The following SEPTIN7 variants were observed in gnomAD, a reference collection of about 807,000 sequenced individuals.
The protein encoded by SEPTIN7 is septin-7.
In SEPTIN7, 10 loss-of-function variants were observed where a neutral mutation model predicts 63.3. The ratio of observed to expected loss-of-function variants is 0.16; its 90% CI spans 0.10 to 0.27. SEPTIN7 has a LOEUF of 0.27. Among genes scored for constraint, SEPTIN7 ranks in the 10% least tolerant of loss-of-function variants. The probability of loss-of-function intolerance (pLI) is 1.00; values close to 1 mark genes in which losing one functional copy is unlikely to be tolerated. For missense variants in SEPTIN7, 310 were observed against 521.0 expected (o/e 0.59, Z 3.94); for synonymous variants, 131 against 165.3 (o/e 0.79, Z 1.59).
At chr7:35,856,851 C>T (rs1400535031) in intron 3 of SEPTIN7, among the ~76,000 whole-genome samples, 1 of 152,144 alleles carries the variant, frequency 6.6e-6, no homozygotes, top group African/African-American at 2.4e-5. Flanking sequence ...ATAGAAATCA[C>T]TTTAGTTCAG....
rs575920099 is a variant in SEPTIN7, at chr7:35,858,633, C to T, written c.170-4919C>T. ...CTTCCCAAAGTGCTGGGATTACAGG[C>T]ATGAGCCACCGCACCTGGCCGATTT... On this transcript the variant is annotated intron_variant, in intron 3 of 13. Transcript: ENST00000350320. Among the ~76,000 whole-genome samples, 11 of 152,084 alleles carry T rather than the reference C, an allele frequency of 7.2e-5. No homozygotes were observed. In the South Asian group the frequency reaches 2.1e-3, roughly 29 times the overall value.
At chr7:35,866,776 A>T (rs188823501) in intron 4 of SEPTIN7, among the ~76,000 whole-genome samples, 2 of 152,218 alleles carry the variant, frequency 1.3e-5, no homozygotes, top group Admixed American at 6.5e-5. Context: ...GGACCTCAGG[A>T]CCCTGAGTTA....
chr7:35,863,245 T>TA (rs1785610892), intron 3 of SEPTIN7, among the ~76,000 whole-genome samples: 1 of 151,900 alleles, frequency 6.6e-6, no homozygotes, highest in South Asian at 2.1e-4. Flanking sequence ...TTGGATTTTT[T>TA]AATAATGACA....
At chr7:35,863,463 T>A (rs1785624224) in intron 3 of SEPTIN7, 89 bp from the exon 4 acceptor site, 1 of 703,248 alleles carries the variant, frequency 1.4e-6, no homozygotes, top group African/African-American at 1.8e-5. Flanking sequence ...AGTACTTGCA[T>A]AAGGCAAGTT....
At position 35,898,361 on chromosome 7, in the gene SEPTIN7, A is replaced by G; in HGVS notation, c.1112A>G (p.Lys371Arg). The change falls in exon 12 of 14, where the codon AAA (lysine) becomes AGA (arginine). Residue 371 changes from lysine to arginine, a missense_variant. Transcript: ENST00000350320. ...ATGAAGGTCAAAGAAAAAGTTCAAA[A>G]ACTGAAGGACTCTGAAGCTGAGGTA... ...FEMKVKEKVQ[K>R]LKDSEAELQR... The G allele has an allele frequency of 1.3e-6, 2 of 1,548,772 alleles. No individual in the cohort carries two copies. Among genetic ancestry groups the G allele is most frequent in the Non-Finnish European group, 1.7e-6 (2 of 1,144,890 alleles).
At chr7:35,810,597 A>T (rs1369166111) in intron 1 of SEPTIN7, among the ~76,000 whole-genome samples, 1 of 152,152 alleles carries the variant, frequency 6.6e-6, no homozygotes, top group Admixed American at 6.5e-5. Context: ...TGCTGGGATT[A>T]CAGGCGTGAG....
At chr7:35,844,757 C>G (rs1033670485) in intron 3 of SEPTIN7, among the ~76,000 whole-genome samples, 3 of 152,132 alleles carry the variant, frequency 2.0e-5, no homozygotes, top group African/African-American at 7.2e-5. Flanking sequence ...CGTGCACCAC[C>G]ACACCAGGCT....
At chr7:35,823,218 C>A (rs570563214) in intron 1 of SEPTIN7, among the ~76,000 whole-genome samples, 1 of 152,010 alleles carries the variant, frequency 6.6e-6, no homozygotes, top group Non-Finnish European at 1.5e-5. Context: ...TTTATTTTTT[C>A]GAGACAGAGT....
intron 3 of SEPTIN7, among the ~76,000 whole-genome samples, chr7:35,838,233 C>G (rs956857448): frequency 2.3e-5 from 3 of 132,850 alleles, no homozygotes; most frequent in African/African-American, 8.8e-5. Context: ...TTATATTATC[C>G]AAACTTCCTT....
rs553277424 is a variant in SEPTIN7, at chr7:35,906,499, A to C, written c.*2206A>C. ...AGCAAAATGGCAGTGTCTGTTCTCC[A>C]CTGTTGGAGGCATTATGTAATTTAA... is the stretch of plus-strand genomic sequence containing the variant. On this transcript the variant is annotated 3_prime_UTR_variant, in exon 14 of 14. Transcript: ENST00000350320. 2.3e-4 allele frequency: 35 copies of C among 152,336 alleles called. No individual in the cohort carries two copies. The highest frequency in any genetic ancestry group is 1.6e-3 in the Admixed American group (25 of 15,300). 9.4% of individuals were successfully genotyped at this position (152,336 alleles called of 1,614,324 possible). A position where few individuals can be genotyped will look rare whatever the true frequency, so the allele number is the denominator to read the frequency against.
At position 35,903,122 on chromosome 7, in the gene SEPTIN7, A is replaced by G; in HGVS notation, c.1181A>G (p.His394Arg). ...EQMKKNLEAQ[H>R]KELEEKRRQF... ...ATGAAAAAGAATTTGGAAGCACAGC[A>G]CAAAGAATTGGAGGAAAAACGTCGT... The change falls in exon 13 of 14, where the codon CAC becomes CGC. Residue 394 changes from histidine to arginine, a missense_variant. Transcript: ENST00000350320. 1.3e-6 allele frequency: 2 copies of G among 1,584,614 alleles called. No homozygotes were observed. Among genetic ancestry groups the G allele is most frequent in the East Asian group, 4.6e-5 (2 of 43,720 alleles).
intron 10 of SEPTIN7, among the ~76,000 whole-genome samples, chr7:35,889,576 G>T (rs1213096240): frequency 6.6e-6 from 1 of 152,014 alleles, no homozygotes; most frequent in East Asian, 1.9e-4. Context: ...ACGGTCTCTT[G>T]CTCATGTACT....
intron 1 of SEPTIN7, among the ~76,000 whole-genome samples, chr7:35,808,212 T>C (rs1788477786): frequency 1.4e-5 from 2 of 138,478 alleles, no homozygotes; most frequent in African/African-American, 4.9e-5. Flanking sequence ...AATCTCCTTC[T>C]TACTTCTACC....
chr7:35,805,225 T>C lies in SEPTIN7; in HGVS notation c.61+3955T>C, dbSNP rs539365571. ...GCATAGAAAAGATGATGTGCTGTAC[T>C]ATGAACTTGTGACTGCTATGACATC... On this transcript the variant is annotated intron_variant, in intron 1 of 13. Coordinates refer to ENST00000350320, the MANE Select transcript of SEPTIN7 (RefSeq NM_001788.6). 4.6e-5 allele frequency among the ~76,000 whole-genome samples: 7 copies of C among 152,326 alleles called. No homozygotes were observed. In the South Asian group the frequency reaches 1.5e-3, roughly 32 times the overall value.
chr7:35,855,031 C>T (rs1253620527), intron 3 of SEPTIN7, among the ~76,000 whole-genome samples: 1 of 152,040 alleles, frequency 6.6e-6, no homozygotes, highest in Admixed American at 6.5e-5. Context: ...TTTTTTCTCT[C>T]ACCTGCATTT....
At chr7:35,845,422 G>A (rs1017490301) in intron 3 of SEPTIN7, among the ~76,000 whole-genome samples, 2 of 152,108 alleles carry the variant, frequency 1.3e-5, no homozygotes, top group Non-Finnish European at 2.9e-5. Flanking sequence ...TCCTTACTTT[G>A]TACTTCTGTT....
intron 11 of SEPTIN7, among the ~76,000 whole-genome samples, chr7:35,893,955 C>G (rs1562585861): frequency 6.6e-6 from 1 of 152,086 alleles, no homozygotes; most frequent in Non-Finnish European, 1.5e-5. Flanking sequence ...CCAAGTACTT[C>G]TTGCATCCCT....
intron 6 of SEPTIN7, among the ~76,000 whole-genome samples, chr7:35,878,546 A>G (rs1490406823): frequency 3.3e-5 from 5 of 152,188 alleles, no homozygotes; most frequent in Admixed American, 2.0e-4. Context: ...TGGATTTAGA[A>G]AGACCACTCT....
intron 8 of SEPTIN7, among the ~76,000 whole-genome samples, chr7:35,883,169 T>G (rs1787004489): frequency 6.6e-6 from 1 of 152,158 alleles, no homozygotes; most frequent in Admixed American, 6.6e-5. Context: ...CCCACAAATG[T>G]GTACAATTAT....
Sources: allele counts gnomAD v4.1 joint callset (sites outside exome capture counted in the v4.1 genomes callset), GRCh38; gene constraint gnomAD v4.1.1; transcripts MANE v1.5; gene names NCBI Gene and HGNC (gene_info 2026-07-23, HGNC 2026-07-21).